SERINC1: variants seen among roughly 807,000 people sequenced by gnomAD.
The protein encoded by SERINC1 is serine incorporator 1, also known as tumor differentially expressed protein 2.
In SERINC1, 38 loss-of-function variants were observed where a neutral mutation model predicts 52.9. The observed-to-expected ratio is 0.72, with a 90% confidence interval of 0.55 to 0.94. The LOEUF (loss-of-function observed/expected upper bound fraction) is 0.94, where lower values mean the gene tolerates loss of function less well. Ranked by LOEUF, SERINC1 falls within the 40% of genes least tolerant of loss-of-function variation. The probability of loss-of-function intolerance (pLI) is 0.00; values close to 1 mark genes in which losing one functional copy is unlikely to be tolerated. For synonymous variants in SERINC1, 198 were observed against 183.1 expected, an observed-to-expected ratio of 1.08 and a Z score of -0.66; for missense variants, 471 against 533.9, an observed-to-expected ratio of 0.88 and a Z score of 1.16.
chr6:122,457,450 T>C (rs1775017641), intron 2 of SERINC1, among the ~76,000 whole-genome samples: 1 of 152,192 alleles, frequency 6.6e-6, no homozygotes, highest in Non-Finnish European at 1.5e-5. Flanking sequence ...TACTGCTGTA[T>C]ATTATTATGG....
At position 122,451,986 on chromosome 6, in the gene SERINC1, T is replaced by C. The variant is rs376384648; in HGVS notation, c.661A>G (p.Thr221Ala). The change falls in exon 6 of 10, where the codon ACT becomes GCT. Residue 221 changes from threonine (T) to alanine (A), a missense_variant. By Grantham distance (58) the Thr-to-Ala change is moderately conservative (BLOSUM62 0). Transcript: ENST00000339697. Reference sequence around the variant, plus strand: ...TTTTCTGAACAACTGGCTGGATGAGTGTAGTAGACAAAGAACAGGACGATA... The same window carrying C: ...TTTTCTGAACAACTGGCTGGATGAGCGTAGTAGACAAAGAACAGGACGATA... ...VAIVLFFVYY[T>A]HPASCSENKA... The C allele has an allele frequency of 2.1e-5, 33 of 1,597,798 alleles. No homozygotes were observed. Among genetic ancestry groups the C allele is most frequent in the Admixed American group, 1.4e-4 (8 of 57,608 alleles).
At chr6:122,463,656 A>G (rs1775143245) in intron 1 of SERINC1, among the ~76,000 whole-genome samples, 1 of 152,188 alleles carries the variant, frequency 6.6e-6, no homozygotes, top group South Asian at 2.1e-4. Flanking sequence ...TACTGCATGC[A>G]TATTAGAACG....
chr6:122,451,776 A>AAAAAAAAATAATAT, intron 6 of SERINC1, 22 bp from the exon 7 acceptor site: 1 of 95,480 alleles, frequency 1.0e-5, no homozygotes, highest in African/African-American at 7.7e-5. Context: ...AAAAAAAAAA[A>AAAAAAAAATAATAT]ATATATATAT....
chr6:122,451,771 AAAAAAATAT>A lies in SERINC1; in HGVS notation c.760-26_760-18del. ...TTGTGATTCCTACAAAAAAAAAAAAAAAAAAATATATATATATATATATAGCAACACAGG... is the reference window on the plus strand; with the variant it reads ...TTGTGATTCCTACAAAAAAAAAAAAAATATATATATATATAGCAACACAGG... On this transcript the variant is annotated intron_variant, in intron 6 of 9. Transcript: ENST00000339697. The A allele has an allele frequency of 3.4e-6, 1 of 297,382 alleles. No individual in the cohort carries two copies. The highest frequency in any genetic ancestry group is 5.0e-6 in the Non-Finnish European group (1 of 198,882). The allele number at this position is 297,382 out of a possible 1,614,324, so 18.4% of individuals were successfully genotyped here.
At chr6:122,469,367 G>GT (rs1582639262) in intron 1 of SERINC1, among the ~76,000 whole-genome samples, 2 of 145,574 alleles carry the variant, frequency 1.4e-5, no homozygotes, top group Non-Finnish European at 3.0e-5. Context: ...TTTTTGTTCT[G>GT]TTTTTTGTTT....
intron 3 of SERINC1, among the ~76,000 whole-genome samples, chr6:122,456,241 C>A (rs1774991095): frequency 6.6e-6 from 1 of 152,056 alleles, no homozygotes; most frequent in South Asian, 2.1e-4. Flanking sequence ...TATAATAGAG[C>A]CTCTTTTTTA....
In SERINC1 at chr6:122,444,519, T is replaced by C. The variant is rs1425569848; in HGVS notation, c.*525A>G. 6.6e-6 allele frequency: 1 copy of C among 152,578 alleles called. No individual in the cohort carries two copies. The highest frequency in any genetic ancestry group is 2.4e-5 in the African/African-American group (1 of 41,452). The allele number at this position is 152,578 out of a possible 1,614,324, so 9.5% of individuals were successfully genotyped here. On this transcript the variant is annotated 3_prime_UTR_variant, in exon 10 of 10. Coordinates refer to ENST00000339697, the MANE Select transcript of SERINC1 (RefSeq NM_020755.4). ...CACCTCCATCCATAACCTACACTATTGTCCACTAAACACTCCCTACCTGTG... is the reference window on the plus strand; with the variant it reads ...CACCTCCATCCATAACCTACACTATCGTCCACTAAACACTCCCTACCTGTG...
chr6:122,464,118 A>G (rs1282331140), intron 1 of SERINC1, among the ~76,000 whole-genome samples: 1 of 152,196 alleles, frequency 6.6e-6, no homozygotes, highest in African/African-American at 2.4e-5. Flanking sequence ...AATCCTAAAG[A>G]CAGAAAATAG....
chr6:122,450,449 A>G (rs942680796), intron 7 of SERINC1, among the ~76,000 whole-genome samples: 1 of 152,220 alleles, frequency 6.6e-6, no homozygotes, highest in South Asian at 2.1e-4. Flanking sequence ...AGAGATGTAC[A>G]GGGAGATTAA....
intron 3 of SERINC1, 196 bp from the exon 4 acceptor site, chr6:122,454,426 A>G: frequency 2.0e-6 from 1 of 506,190 alleles, no homozygotes; most frequent in Non-Finnish European, 3.5e-6. Flanking sequence ...TAGATAACAT[A>G]GTTTGGAGAG....
chr6:122,469,214 T>G (rs1414306442), intron 1 of SERINC1, among the ~76,000 whole-genome samples: 1 of 151,992 alleles, frequency 6.6e-6, no homozygotes, highest in Non-Finnish European at 1.5e-5. Flanking sequence ...TTCAGACATT[T>G]TCTACAATTA....
intron 2 of SERINC1, 43 bp from the exon 3 acceptor site, chr6:122,456,693 T>TA: frequency 7.1e-7 from 1 of 1,409,378 alleles, no homozygotes; most frequent in Non-Finnish European, 9.5e-7. Context: ...TTTTTTTCAT[T>TA]AAGTAAAAAT....
At chr6:122,469,488 T>G (rs1209048031) in intron 1 of SERINC1, among the ~76,000 whole-genome samples, 1 of 151,892 alleles carries the variant, frequency 6.6e-6, no homozygotes, top group Non-Finnish European at 1.5e-5. Context: ...GAGATTCTCC[T>G]GCCTCAGCCA....
Position 122,453,860 on chromosome 6 carries a change from G to T in SERINC1, c.499C>A (p.Gln167Lys). The T allele has an allele frequency of 6.2e-7, 1 of 1,606,692 alleles. No individual in the cohort carries two copies. The highest frequency in any genetic ancestry group is 1.1e-5 in the South Asian group (1 of 90,224). The change falls in exon 5 of 10, where the codon CAA (glutamine) becomes AAA (lysine). Residue 167 changes from glutamine to lysine, a missense_variant. By Grantham distance (53) the Gln-to-Lys change is moderately conservative. Transcript: ENST00000339697. ...MAGAFCFILI[Q>K]LVLLIDFAHS... ...GCAAAATCAATAAGTAAGACTAGTTGTATGAGGATGAAACAAAAGGCACCT... is the reference window on the plus strand; with the variant it reads ...GCAAAATCAATAAGTAAGACTAGTTTTATGAGGATGAAACAAAAGGCACCT...
chr6:122,457,704 C>T (rs954650289), intron 2 of SERINC1, among the ~76,000 whole-genome samples: 2 of 152,014 alleles, frequency 1.3e-5, no homozygotes, highest in Non-Finnish European at 2.9e-5. Context: ...ACCCTGATCT[C>T]GGACTTTCAG....
chr6:122,468,318 A>C (rs1268667931), intron 1 of SERINC1, among the ~76,000 whole-genome samples: 3 of 152,176 alleles, frequency 2.0e-5, no homozygotes, highest in Non-Finnish European at 4.4e-5. Context: ...GCTATCCTAT[A>C]CATTGTAGAT....
intron 1 of SERINC1, among the ~76,000 whole-genome samples, chr6:122,464,560 C>T (rs1775155748): frequency 6.6e-6 from 1 of 152,084 alleles, no homozygotes; most frequent in Non-Finnish European, 1.5e-5. Context: ...AGACAGAATA[C>T]GAAAGAGAAA....
At chr6:122,456,217 T>G (rs1407532309) in intron 3 of SERINC1, among the ~76,000 whole-genome samples, 1 of 152,170 alleles carries the variant, frequency 6.6e-6, no homozygotes. Flanking sequence ...AGCTATTCCC[T>G]TAGTAGTCAC....
intron 1 of SERINC1, among the ~76,000 whole-genome samples, chr6:122,462,600 C>T (rs908255231): frequency 6.6e-6 from 1 of 151,830 alleles, no homozygotes; most frequent in Non-Finnish European, 1.5e-5. Flanking sequence ...TGGATGACAA[C>T]AAAACAAAAC....
Sources: gnomAD v4.1 joint callset for allele counts (sites outside exome capture counted in the v4.1 genomes callset) on GRCh38, gnomAD v4.1.1 for gene constraint, MANE v1.5 for transcripts, NCBI Gene and HGNC (gene_info 2026-07-23, HGNC 2026-07-21) for gene names.